FHIT: variants seen among roughly 807,000 people sequenced by gnomAD.
FHIT encodes the protein bis(5'-adenosyl)-triphosphatase.
FHIT carries 19 observed loss-of-function variants against 17.9 expected under a neutral mutation model. That is an observed-to-expected ratio of 1.06 (90% confidence interval 0.74 to 1.56). FHIT has a LOEUF of 1.56. Among genes scored for constraint, FHIT ranks in the 40% most tolerant of loss-of-function variants. The pLI, the probability that FHIT is intolerant of heterozygous loss-of-function variation, is 0.00. For missense variants in FHIT, 248 were observed against 189.2 expected (o/e 1.31, Z -1.82); for synonymous variants, 81 against 69.7 (o/e 1.16, Z -0.81).
At chr3:60,988,581 A>G (rs1048721836) in intron 3 of FHIT, among the ~76,000 whole-genome samples, 1 of 152,176 alleles carries the variant, frequency 6.6e-6, no homozygotes, top group African/African-American at 2.4e-5. Context: ...TTAAGGGCAA[A>G]TGAGAGCTGA....
At chr3:61,025,937 A>G (rs2032708511) in intron 3 of FHIT, among the ~76,000 whole-genome samples, 1 of 152,180 alleles carries the variant, frequency 6.6e-6, no homozygotes, top group East Asian at 1.9e-4. Context: ...AAATAAAAGT[A>G]TATGTTGATG....
intron 5 of FHIT, among the ~76,000 whole-genome samples, chr3:60,381,747 T>C (rs1187195495): frequency 6.6e-6 from 1 of 152,170 alleles, no homozygotes; most frequent in African/African-American, 2.4e-5. Flanking sequence ...TTCTTTCCTT[T>C]TTTGTTTTTT....
chr3:60,766,963 A>G (rs533296783), intron 4 of FHIT, among the ~76,000 whole-genome samples: 1 of 152,272 alleles, frequency 6.6e-6, no homozygotes, highest in Admixed American at 6.5e-5. Context: ...GGCATGCTCA[A>G]TCTCCTTTTG....
intron 7 of FHIT, among the ~76,000 whole-genome samples, chr3:59,952,825 T>G (rs1388681231): frequency 6.6e-6 from 1 of 152,164 alleles, no homozygotes; most frequent in Non-Finnish European, 1.5e-5. Flanking sequence ...CCTTATCCAT[T>G]AGGGTCACAC....
intron 5 of FHIT, among the ~76,000 whole-genome samples, chr3:60,045,707 ATGGAT>A (rs1701625803): frequency 6.6e-6 from 1 of 152,190 alleles, no homozygotes. Context: ...ATGGAAACAA[ATGGAT>A]TGATCTGGAA....
chr3:60,194,652 A>C (rs1034750247), intron 5 of FHIT, among the ~76,000 whole-genome samples: 36 of 152,334 alleles, frequency 2.4e-4, no homozygotes, highest in African/African-American at 8.4e-4. Flanking sequence ...AAAAGCCCAC[A>C]GAATGGGTGA....
intron 5 of FHIT, among the ~76,000 whole-genome samples, chr3:60,028,511 A>G (rs902585475): frequency 2.0e-5 from 3 of 152,230 alleles, no homozygotes; most frequent in Non-Finnish European, 4.4e-5. Flanking sequence ...GGCAGCCAGC[A>G]AAGTATGTAG....
At chr3:60,199,030 T>C (rs894596130) in intron 5 of FHIT, among the ~76,000 whole-genome samples, 1 of 152,088 alleles carries the variant, frequency 6.6e-6, no homozygotes, top group Non-Finnish European at 1.5e-5. Context: ...TCTAAAGGAG[T>C]TGTCAGAGGA....
At chr3:60,313,758 C>A (rs918470830) in intron 5 of FHIT, among the ~76,000 whole-genome samples, 2 of 152,040 alleles carry the variant, frequency 1.3e-5, no homozygotes, top group Admixed American at 6.6e-5. Flanking sequence ...AAAAGAAAAT[C>A]TGAGAGGATG....
intron 5 of FHIT, among the ~76,000 whole-genome samples, chr3:60,397,946 C>T (rs1701514822): frequency 6.6e-6 from 1 of 152,140 alleles, no homozygotes; most frequent in Admixed American, 6.5e-5. Context: ...ACTCCCTTTA[C>T]TGAGCCCATA....
intron 4 of FHIT, among the ~76,000 whole-genome samples, chr3:60,708,442 T>A (rs185719986): frequency 6.6e-6 from 1 of 152,238 alleles, no homozygotes; most frequent in African/African-American, 2.4e-5. Flanking sequence ...TTCATTGATA[T>A]GTGACACCCA....
Position 60,976,096 on chromosome 3 carries a change from C to CTTTTTTTTTTTTTTTTTTT in FHIT, c.-111+65932_-111+65950dup, listed in dbSNP as rs869239307. Among the ~76,000 whole-genome samples, 131 of 66,792 alleles carry CTTTTTTTTTTTTTTTTTTT rather than the reference C, an allele frequency of 2.0e-3. 22 individuals are homozygous for CTTTTTTTTTTTTTTTTTTT. Among genetic ancestry groups the CTTTTTTTTTTTTTTTTTTT allele is most frequent in the African/African-American group, 4.1e-3 (62 of 15,110 alleles). The allele number at this position is 66,792 out of a possible 152,430, so 43.8% of individuals were successfully genotyped here. On this transcript the variant is annotated intron_variant, in intron 3 of 9. Coordinates refer to ENST00000492590, the MANE Select transcript of FHIT (RefSeq NM_002012.4). ...CTTTGTATCTTTCGTTTTTCTTTTT[C>CTTTTTTTTTTTTTTTTTTT]TTTTTTTTTTTTTTTTTTTTTTTTT...
At chr3:59,897,772 C>CG (rs1704135983) in intron 8 of FHIT, among the ~76,000 whole-genome samples, 1 of 144,590 alleles carries the variant, frequency 6.9e-6, no homozygotes, top group Admixed American at 6.9e-5. Context: ...CTTTTTTTTT[C>CG]TTTTTTTTTT....
intron 8 of FHIT, among the ~76,000 whole-genome samples, chr3:59,919,527 A>G (rs1705301913): frequency 6.6e-6 from 1 of 152,194 alleles, no homozygotes; most frequent in African/African-American, 2.4e-5. Context: ...ATTAGTCTCC[A>G]AATCTGTTTT....
intron 8 of FHIT, among the ~76,000 whole-genome samples, chr3:59,838,938 A>G (rs1054879033): frequency 1.3e-5 from 2 of 152,138 alleles, no homozygotes; most frequent in African/African-American, 4.8e-5. Flanking sequence ...ACCTTGATCA[A>G]TTATATTTAT....
At chr3:59,952,488 C>T (rs1198575034) in intron 7 of FHIT, among the ~76,000 whole-genome samples, 1 of 152,180 alleles carries the variant, frequency 6.6e-6, no homozygotes, top group African/African-American at 2.4e-5. Flanking sequence ...CTTCCAGACT[C>T]TCACCTCCCC....
intron 5 of FHIT, among the ~76,000 whole-genome samples, chr3:60,092,016 G>C (rs763539477): frequency 2.6e-5 from 4 of 152,062 alleles, no homozygotes; most frequent in Non-Finnish European, 4.4e-5. Flanking sequence ...CCCCTGGTTG[G>C]CTGCTACCCA....
At chr3:59,949,292 C>G (rs904367365) in intron 7 of FHIT, among the ~76,000 whole-genome samples, 3 of 152,194 alleles carry the variant, frequency 2.0e-5, no homozygotes, top group Admixed American at 2.0e-4. Flanking sequence ...GACCTTTTAT[C>G]CTGTCTATCT....
intron 1 of FHIT, among the ~76,000 whole-genome samples, chr3:61,234,379 T>C (rs998459631): frequency 1.3e-5 from 2 of 152,164 alleles, no homozygotes; most frequent in African/African-American, 4.8e-5. Flanking sequence ...CCAAGTGGGA[T>C]AGATTAAAAA....
Sources: allele counts gnomAD v4.1 joint callset (sites outside exome capture counted in the v4.1 genomes callset), GRCh38; gene constraint gnomAD v4.1.1; transcripts MANE v1.5; gene names NCBI Gene and HGNC (gene_info 2026-07-23, HGNC 2026-07-21).